Variants in REPS1 observed in about 807,000 individuals in gnomAD.
REPS1 encodes the protein ralBP1-associated Eps domain-containing protein 1.
In REPS1, 39 loss-of-function variants were observed where a neutral mutation model predicts 100.9. The ratio of observed to expected loss-of-function variants is 0.39; its 90% CI spans 0.30 to 0.50. The LOEUF (loss-of-function observed/expected upper bound fraction) is 0.50. Ranked by LOEUF, REPS1 falls within the 20% of genes least tolerant of loss-of-function variation. REPS1 has a pLI of 0.86. For synonymous variants in REPS1, 324 were observed against 340.3 expected, an observed-to-expected ratio of 0.95 and a Z score of 0.53; for missense variants, 821 against 968.5, an observed-to-expected ratio of 0.85 and a Z score of 2.02.
intron 1 of REPS1, among the ~76,000 whole-genome samples, chr6:138,971,673 G>A (rs988731706): frequency 2.0e-5 from 3 of 152,154 alleles, no homozygotes; most frequent in South Asian, 4.1e-4. Flanking sequence ...GCAAAGCAGC[G>A]AAGTCAGAGC....
chr6:138,944,178 A>C (rs113749366), intron 5 of REPS1, among the ~76,000 whole-genome samples, 163 bp from the exon 6 acceptor site: 2 of 152,246 alleles, frequency 1.3e-5, no homozygotes, highest in Non-Finnish European at 2.9e-5. Flanking sequence ...ATGTTTTTGC[A>C]CAATGATTAT....
At chr6:138,957,774 A>G in intron 1 of REPS1, among the ~76,000 whole-genome samples, 1 of 152,202 alleles carries the variant, frequency 6.6e-6, no homozygotes, top group East Asian at 1.9e-4. Flanking sequence ...AAGAAACCCC[A>G]GGGGAAAAGC....
At chr6:138,921,518 C>T (rs1780755574) in intron 10 of REPS1, among the ~76,000 whole-genome samples, 1 of 150,282 alleles carries the variant, frequency 6.7e-6, no homozygotes, top group South Asian at 2.1e-4. Context: ...CTGGGCATAG[C>T]CCATGACTTA....
chr6:138,923,929 A>G (rs1780940623), intron 10 of REPS1, among the ~76,000 whole-genome samples: 2 of 127,876 alleles, frequency 1.6e-5, no homozygotes, highest in African/African-American at 8.1e-5. Flanking sequence ...TTTTCCCCCC[A>G]GGTGATTCCC....
At position 138,941,343 on chromosome 6, in the gene REPS1, T is replaced by C. The variant is rs1316549683; in HGVS notation, c.1127A>G (p.Asp376Gly). 1 of 1,613,998 alleles carries C rather than the reference T, an allele frequency of 6.2e-7. No homozygotes were observed. Among genetic ancestry groups the C allele is most frequent in the Admixed American group, 1.7e-5 (1 of 60,014 alleles). Residue 376 changes from aspartate (D) to glycine (G), a missense_variant, in exon 8 of 20, where the codon GAT (aspartate) becomes GGT (glycine). Asp to Gly is a moderately conservative substitution (Grantham distance 94). Transcript: ENST00000450536. ...TCAGCTCCCAATCTTACCTGCTGAA[T>C]CTTCCAAATCAATCAGTTTGGGCAT... ...SLMPKLIDLE[D>G]SADVGDQPGE...
intron 8 of REPS1, among the ~76,000 whole-genome samples, chr6:138,935,118 T>G (rs1243579186): frequency 6.6e-6 from 1 of 152,194 alleles, no homozygotes; most frequent in African/African-American, 2.4e-5. Context: ...AAATGGAAAC[T>G]TAGTAAGCAG....
chr6:138,908,849 T>C, intron 17 of REPS1, 33 bp from the exon 18 acceptor site: 1 of 1,603,374 alleles, frequency 6.2e-7, no homozygotes, highest in Non-Finnish European at 8.5e-7. Flanking sequence ...ATAATAAGCA[T>C]TTTTGAAGAC....
At chr6:138,947,035 G>GCTCTATCTCTCT (rs1782663520) in intron 2 of REPS1, among the ~76,000 whole-genome samples, 1 of 137,636 alleles carries the variant, frequency 7.3e-6, no homozygotes, top group Non-Finnish European at 1.5e-5. Flanking sequence ...ATTCCCCCTT[G>GCTCTATCTCTCT]CTCTCTCTCT....
At chr6:138,910,933 G>A (rs146999086) in intron 17 of REPS1, 50 of 166,762 alleles carry the variant, frequency 3.0e-4, no homozygotes, top group African/African-American at 1.1e-3. Flanking sequence ...CAAGTTAAGA[G>A]AACAGGGAAT....
chr6:138,917,253 A>T (rs1365119208), intron 13 of REPS1, among the ~76,000 whole-genome samples: 1 of 152,224 alleles, frequency 6.6e-6, no homozygotes, highest in Non-Finnish European at 1.5e-5. Flanking sequence ...CCATAAGGCT[A>T]TACATGTATT....
chr6:138,924,256 T>A (rs1437013853), intron 10 of REPS1, among the ~76,000 whole-genome samples: 2 of 152,228 alleles, frequency 1.3e-5, no homozygotes, highest in Admixed American at 6.5e-5. Context: ...GACAATTTTT[T>A]AAAATCCAAT....
intron 1 of REPS1, among the ~76,000 whole-genome samples, chr6:138,975,277 A>G (rs1784537296): frequency 6.6e-6 from 1 of 152,184 alleles, no homozygotes; most frequent in Admixed American, 6.5e-5. Flanking sequence ...CCTCAGAATC[A>G]TTCTTTGAGT....
chr6:138,975,836 A>T (rs1784573416), intron 1 of REPS1, among the ~76,000 whole-genome samples: 1 of 152,224 alleles, frequency 6.6e-6, no homozygotes. Context: ...TCCGTCTCAA[A>T]AAAAATAAAA....
chr6:138,945,767 A>G (rs908610206), intron 2 of REPS1, 70 bp from the exon 3 acceptor site: 11 of 1,205,892 alleles, frequency 9.1e-6, no homozygotes, highest in African/African-American at 7.9e-5. Context: ...AAAATAAGAC[A>G]TGAATTAGAT....
Position 138,945,380 on chromosome 6 carries a change from A to C in REPS1, c.475-8T>G. ...TACTGGGGATGCAGGTTCCTAGAAA[A>C]GAATATTATTTTAAAATTTTAACTT... On this transcript the variant is annotated splice_polypyrimidine_tract_variant and splice_region_variant and intron_variant, in intron 3 of 19. Transcript: ENST00000450536. The C allele has an allele frequency of 1.3e-6, 2 of 1,591,356 alleles. No individual in the cohort carries two copies. Among genetic ancestry groups the C allele is most frequent in the Non-Finnish European group, 1.7e-6 (2 of 1,172,990 alleles).
chr6:138,910,682 T>A (rs1016748452), intron 17 of REPS1, among the ~76,000 whole-genome samples: 2 of 152,108 alleles, frequency 1.3e-5, no homozygotes, highest in African/African-American at 4.8e-5. Flanking sequence ...GATTACCCAG[T>A]CTCACATATT....
In REPS1 at chr6:138,958,529, T is replaced by C. The variant is rs1417997644; in HGVS notation, c.154-10616A>G. ...CACTCCCCAACAGGCCTGGTGTGTG[T>C]TGCTCCCCTCCCTGTGTCTATGTGT... On this transcript the variant is annotated intron_variant, in intron 1 of 19. Transcript: ENST00000450536. Among the ~76,000 whole-genome samples the C allele has an allele frequency of 2.6e-5, 4 of 151,996 alleles. No homozygotes were observed. In the East Asian group the frequency reaches 7.7e-4, roughly 29 times the overall value.
At chr6:138,972,409 G>A (rs1784388697) in intron 1 of REPS1, among the ~76,000 whole-genome samples, 1 of 152,182 alleles carries the variant, frequency 6.6e-6, no homozygotes, top group African/African-American at 2.4e-5. Flanking sequence ...AGATGTAGCA[G>A]TGAGTTGGTA....
chr6:138,939,114 T>C (rs1022372300), intron 8 of REPS1, among the ~76,000 whole-genome samples: 9 of 152,298 alleles, frequency 5.9e-5, no homozygotes, highest in African/African-American at 1.7e-4. Flanking sequence ...CTCAGGTTTA[T>C]GATAGGTGGA....
Sources: allele counts gnomAD v4.1 joint callset (sites outside exome capture counted in the v4.1 genomes callset), GRCh38; gene constraint gnomAD v4.1.1; transcripts MANE v1.5; gene names NCBI Gene and HGNC (gene_info 2026-07-23, HGNC 2026-07-21).